Variants in ASIC2 observed in about 807,000 individuals in gnomAD.
ASIC2 encodes the protein acid-sensing ion channel 2.
In ASIC2, 25 loss-of-function variants were observed where a neutral mutation model predicts 57.3. The observed-to-expected ratio is 0.44, with a 90% CI of 0.32 to 0.61. ASIC2 has a LOEUF of 0.61. Ranked by LOEUF, ASIC2 falls within the 20% of genes least tolerant of loss-of-function variation. ASIC2 has a pLI of 0.06. For synonymous variants in ASIC2, 319 were observed against 307.5 expected (o/e 1.04, Z -0.39); for missense variants, 641 against 738.1 (o/e 0.87, Z 1.52).
intron 1 of ASIC2, among the ~76,000 whole-genome samples, chr17:33,350,668 C>T (rs544937951): frequency 8.8e-5 from 8 of 91,424 alleles, no homozygotes; most frequent in South Asian, 5.4e-4. Flanking sequence ...GGCAACAGAG[C>T]GAGACTCTGT....
intron 1 of ASIC2, among the ~76,000 whole-genome samples, chr17:33,719,530 T>A (rs1358955325): frequency 6.6e-6 from 1 of 152,222 alleles, no homozygotes; most frequent in Non-Finnish European, 1.5e-5. Flanking sequence ...TTTGTTGGAA[T>A]AAGATGTTTT....
intron 1 of ASIC2, among the ~76,000 whole-genome samples, chr17:34,111,990 T>A (rs1196475145): frequency 6.6e-6 from 1 of 152,174 alleles, no homozygotes; most frequent in Non-Finnish European, 1.5e-5. Flanking sequence ...TTAAAATGCA[T>A]AGCCATATGG....
intron 1 of ASIC2, among the ~76,000 whole-genome samples, chr17:34,130,123 A>T (rs1911906845): frequency 6.6e-6 from 1 of 152,224 alleles, no homozygotes; most frequent in African/African-American, 2.4e-5. Context: ...TCATTTGCAC[A>T]TCATGAAAGG....
At chr17:33,179,532 T>C (rs1159252679) in intron 1 of ASIC2, among the ~76,000 whole-genome samples, 2 of 152,188 alleles carry the variant, frequency 1.3e-5, no homozygotes. Flanking sequence ...CCCTGCTTTA[T>C]ATAAAGCCGT....
At chr17:33,244,127 A>C (rs1233202511) in intron 1 of ASIC2, among the ~76,000 whole-genome samples, 1 of 152,256 alleles carries the variant, frequency 6.6e-6, no homozygotes, top group African/African-American at 2.4e-5. Flanking sequence ...CATTCTTTGC[A>C]TAACCTTTCC....
At chr17:33,892,966 G>C (rs1316327721) in intron 1 of ASIC2, among the ~76,000 whole-genome samples, 1 of 152,112 alleles carries the variant, frequency 6.6e-6, no homozygotes, top group African/African-American at 2.4e-5. Context: ...TGACTCTTAA[G>C]GCAGTATTGG....
intron 1 of ASIC2, among the ~76,000 whole-genome samples, chr17:33,122,637 A>T (rs2092307395): frequency 6.6e-6 from 1 of 152,192 alleles, no homozygotes. Context: ...TACCTCACAT[A>T]CTTATCATGT....
At chr17:33,765,844 C>G (rs1468362835) in intron 1 of ASIC2, among the ~76,000 whole-genome samples, 2 of 152,218 alleles carry the variant, frequency 1.3e-5, no homozygotes, top group Non-Finnish European at 2.9e-5. Flanking sequence ...TTTGGCGTCC[C>G]TTCCCGTGGG....
intron 1 of ASIC2, among the ~76,000 whole-genome samples, chr17:33,135,762 C>T (rs1464296710): frequency 6.6e-6 from 1 of 152,210 alleles, no homozygotes; most frequent in Non-Finnish European, 1.5e-5. Context: ...CTGCTCAACC[C>T]TGCCTCTGCC....
At chr17:34,042,210 C>T (rs1908162114) in intron 1 of ASIC2, among the ~76,000 whole-genome samples, 1 of 152,162 alleles carries the variant, frequency 6.6e-6, no homozygotes, top group Non-Finnish European at 1.5e-5. Context: ...TGACACAGCC[C>T]TTTCACCTCA....
rs954267353 is a variant in ASIC2 at position 33,024,155 on chromosome 17, A to C, written c.1196-141T>G. On this transcript the variant is annotated intron_variant, in intron 5 of 9. Transcript: ENST00000225823. ...GGAAAGTGAGGGGCAGGGATTGTGG[A>C]GAGAGGGGAACTGGGCTTTTGCTGT... The C allele has an allele frequency of 3.6e-6, 4 of 1,111,324 alleles. No individual in the cohort carries two copies. The African/African-American group carries it at 6.3e-5, about 17-fold the overall frequency. 68.8% of individuals were successfully genotyped at this position (1,111,324 alleles called of 1,614,324 possible). A position where few individuals can be genotyped will look rare whatever the true frequency, so the allele number is the denominator to read the frequency against.
chr17:33,914,359 G>A (rs1243598263), intron 1 of ASIC2, among the ~76,000 whole-genome samples: 1 of 152,182 alleles, frequency 6.6e-6, no homozygotes, highest in East Asian at 1.9e-4. Context: ...GGAAGCCAGA[G>A]CCTCTGTGAG....
intron 1 of ASIC2, among the ~76,000 whole-genome samples, chr17:33,845,302 T>A (rs1256740895): frequency 6.6e-6 from 1 of 152,196 alleles, no homozygotes; most frequent in Non-Finnish European, 1.5e-5. Flanking sequence ...ACCTCCAAAT[T>A]TATCATGTAT....
intron 5 of ASIC2, among the ~76,000 whole-genome samples, chr17:33,025,532 G>T (rs928292031): frequency 1.3e-5 from 2 of 152,130 alleles, no homozygotes; most frequent in African/African-American, 4.8e-5. Context: ...ATCAGAGTGT[G>T]TGAGGGGAGG....
In ASIC2 at chr17:34,124,204, G is replaced by A. The variant is rs940702282; in HGVS notation, c.555+31774C>T. On this transcript the variant is annotated intron_variant, in intron 1 of 9. Coordinates refer to the ASIC2 transcript ENST00000359872. ...AGGCACAGAGATTATGTAACAGAAAGAATACAGGAAAGCACTTAGCACAGT... is the reference window on the plus strand; with the variant it reads ...AGGCACAGAGATTATGTAACAGAAAAAATACAGGAAAGCACTTAGCACAGT... Among the ~76,000 whole-genome samples the A allele has an allele frequency of 2.0e-5, 3 of 152,152 alleles. No homozygotes were observed. In the East Asian group the frequency reaches 5.8e-4, roughly 29 times the overall value.
At chr17:33,491,181 C>T (rs1039169348) in intron 1 of ASIC2, among the ~76,000 whole-genome samples, 4 of 152,182 alleles carry the variant, frequency 2.6e-5, no homozygotes, top group African/African-American at 9.7e-5. Flanking sequence ...TTCCCACACC[C>T]ACAGGACATC....
intron 1 of ASIC2, among the ~76,000 whole-genome samples, chr17:33,373,763 C>T (rs1240619097): frequency 3.9e-5 from 6 of 152,102 alleles, no homozygotes; most frequent in Admixed American, 2.0e-4. Flanking sequence ...CTGCAATCTC[C>T]GCCTCCTGGG....
chr17:33,783,074 C>T (rs1911505609), intron 1 of ASIC2, among the ~76,000 whole-genome samples: 1 of 152,200 alleles, frequency 6.6e-6, no homozygotes, highest in Admixed American at 6.5e-5. Context: ...AAGCACCCTG[C>T]TTACATTACT....
In ASIC2 at chr17:33,800,414, C is replaced by T. The variant is rs145581964; in HGVS notation, c.555+355564G>A. Reference sequence around the variant, plus strand: ...TGCTTTTACCTTGCATACACACCTGCCTTTGGTGTGTACGAATTCCCAAAA... The same window carrying T: ...TGCTTTTACCTTGCATACACACCTGTCTTTGGTGTGTACGAATTCCCAAAA... On this transcript the variant is annotated intron_variant, in intron 1 of 9. Transcript: ENST00000359872. Among the ~76,000 whole-genome samples, 993 of 152,188 alleles carry T rather than the reference C, an allele frequency of 6.5e-3. 13 individuals are homozygous for T. The highest frequency in any genetic ancestry group is 0.023 in the African/African-American group (944 of 41,492).
Sources: allele counts gnomAD v4.1 joint callset (sites outside exome capture counted in the v4.1 genomes callset), GRCh38; gene constraint gnomAD v4.1.1; transcripts MANE v1.5; gene names NCBI Gene and HGNC (gene_info 2026-07-23, HGNC 2026-07-21).